SLC4A7: variants seen among roughly 807,000 people sequenced by gnomAD.
The protein encoded by SLC4A7 is solute carrier family 4 member 7.
Under a neutral mutation model 137.6 loss-of-function variants are expected in SLC4A7, and 51 were observed. The ratio of observed to expected loss-of-function variants is 0.37; its 90% CI spans 0.30 to 0.47. The LOEUF (loss-of-function observed/expected upper bound fraction) is 0.47. Ranked by LOEUF, SLC4A7 falls within the 20% of genes least tolerant of loss-of-function variation. The pLI, the probability that SLC4A7 is intolerant of heterozygous loss-of-function variation, is 1.00. For missense variants in SLC4A7, 1,247 were observed against 1,525.4 expected (o/e 0.82, Z 3.04); for synonymous variants, 542 against 518.6 (o/e 1.05, Z -0.61).
intron 3 of SLC4A7, among the ~76,000 whole-genome samples, chr3:27,445,669 G>A (rs1306864522): frequency 4.7e-5 from 7 of 149,884 alleles, no homozygotes; most frequent in Admixed American, 2.7e-4. Context: ...TGTAATCCCA[G>A]TACTTTGGGA....
In SLC4A7 at chr3:27,420,740, T is replaced by C. The variant is rs536485637; in HGVS notation, c.1472A>G (p.His491Arg). 12 of 1,613,762 alleles carry C rather than the reference T, an allele frequency of 7.4e-6. No homozygotes were observed. Among genetic ancestry groups the C allele is most frequent in the South Asian group, 1.1e-5 (1 of 91,060 alleles). The change falls in exon 10 of 26, where the codon CAT becomes CGT. Residue 491 changes from histidine to arginine, a missense_variant. Transcript: ENST00000454389. ...AGTGGCTATTGATCGTCCAATTTCA[T>C]GGTACTGTGGTGCCTTGCCCGCTGG... ...LGPAGKAPQY[H>R]EIGRSIATLM...
At chr3:27,400,659 T>A in intron 16 of SLC4A7, 105 bp downstream of exon 16, 1 of 657,308 alleles carries the variant, frequency 1.5e-6, no homozygotes, top group Non-Finnish European at 2.6e-6. Flanking sequence ...TCTGAAAACA[T>A]ACTACCGATC....
chr3:27,420,892 T>C, intron 9 of SLC4A7, 105 bp from the exon 10 acceptor site: 1 of 714,054 alleles, frequency 1.4e-6, no homozygotes, highest in South Asian at 1.9e-5. Context: ...GAAACAACAC[T>C]CAGACATCTT....
At chr3:27,474,055 C>T (rs1052451078) in intron 1 of SLC4A7, among the ~76,000 whole-genome samples, 9 of 152,116 alleles carry the variant, frequency 5.9e-5, no homozygotes, top group Admixed American at 4.6e-4. Context: ...TACGCCTATT[C>T]GACTGAACAC....
At chr3:27,462,675 GA>G in intron 1 of SLC4A7, 1 of 181,780 alleles carries the variant, frequency 5.5e-6, no homozygotes, top group Non-Finnish European at 1.2e-5. Flanking sequence ...AACTCACGGT[GA>G]AGGTCCTAAA....
At chr3:27,454,132 A>G (rs967188087) in intron 1 of SLC4A7, among the ~76,000 whole-genome samples, 3 of 152,146 alleles carry the variant, frequency 2.0e-5, no homozygotes, top group African/African-American at 7.2e-5. Context: ...CAACATAGCA[A>G]GACCCCCATC....
At chr3:27,422,746 C>T (rs1024429768) in intron 8 of SLC4A7, 1 of 455,304 alleles carries the variant, frequency 2.2e-6, no homozygotes, top group African/African-American at 2.0e-5. Context: ...CAACCACTTA[C>T]AGGGCTATCT....
chr3:27,481,873 C>T (rs2150766842), intron 1 of SLC4A7, among the ~76,000 whole-genome samples: 1 of 152,284 alleles, frequency 6.6e-6, no homozygotes, highest in South Asian at 2.1e-4. Context: ...CCATGGCTTA[C>T]ACCTGTAATC....
chr3:27,455,780 C>T (rs758108628), intron 1 of SLC4A7, among the ~76,000 whole-genome samples: 1 of 151,776 alleles, frequency 6.6e-6, no homozygotes, highest in African/African-American at 2.4e-5. Context: ...TGGGTTGAAC[C>T]CAGGAAGTGG....
chr3:27,404,110 G>A (rs1000955709), intron 14 of SLC4A7, among the ~76,000 whole-genome samples: 8 of 152,222 alleles, frequency 5.3e-5, no homozygotes, highest in Admixed American at 3.9e-4. Context: ...AGTGGCTCAC[G>A]CCTGTAATCC....
chr3:27,479,470 GA>G (rs1393512461), intron 1 of SLC4A7, among the ~76,000 whole-genome samples: 3 of 151,850 alleles, frequency 2.0e-5, no homozygotes, highest in Non-Finnish European at 4.4e-5. Context: ...ACAGTCATTT[GA>G]AAATGTCTAG....
intron 11 of SLC4A7, among the ~76,000 whole-genome samples, chr3:27,412,497 A>C (rs1258489250): frequency 1.3e-5 from 2 of 152,158 alleles, no homozygotes; most frequent in African/African-American, 4.8e-5. Flanking sequence ...GGTGAATAAA[A>C]GACTTAAGCT....
At chr3:27,434,971 C>T (rs1341941553) in intron 5 of SLC4A7, among the ~76,000 whole-genome samples, 5 of 152,076 alleles carry the variant, frequency 3.3e-5, no homozygotes, top group African/African-American at 1.2e-4. Flanking sequence ...TAATTGCAAA[C>T]CAAAGTCTGA....
intron 22 of SLC4A7, 77 bp from the exon 23 acceptor site, chr3:27,386,100 T>A: frequency 8.6e-7 from 1 of 1,168,186 alleles, no homozygotes; most frequent in Non-Finnish European, 1.2e-6. Flanking sequence ...AGCATATTTA[T>A]TAAATCTTAT....
At chr3:27,409,744 AT>A (rs1349993942) in intron 12 of SLC4A7, among the ~76,000 whole-genome samples, 15 of 152,220 alleles carry the variant, frequency 9.9e-5, no homozygotes, top group Non-Finnish European at 4.4e-5. Flanking sequence ...AAATATCTGT[AT>A]TTTACGGACT....
intron 1 of SLC4A7, among the ~76,000 whole-genome samples, chr3:27,460,002 C>G (rs866536364): frequency 6.7e-6 from 1 of 149,414 alleles, no homozygotes; most frequent in African/African-American, 2.4e-5. Flanking sequence ...CACACACACA[C>G]ACACACACGT....
At chr3:27,444,405 T>G (rs1172182418) in intron 3 of SLC4A7, among the ~76,000 whole-genome samples, 3 of 152,238 alleles carry the variant, frequency 2.0e-5, no homozygotes, top group Non-Finnish European at 2.9e-5. Flanking sequence ...AAGTATCTTT[T>G]CTGATATCCT....
In SLC4A7 at chr3:27,403,428, T is replaced by C. The variant is rs372250664; in HGVS notation, c.2076-44A>G. The C allele has an allele frequency of 2.5e-5, 35 of 1,418,268 alleles. No individual in the cohort carries two copies. The Admixed American group carries it at 3.1e-4, about 12-fold the overall frequency. The allele number at this position is 1,418,268 out of a possible 1,614,324, so 87.9% of individuals were successfully genotyped here. A position where few individuals can be genotyped will look rare whatever the true frequency, so the allele number is the denominator to read the frequency against. ...ATGAATATGATAAACATATGTGGAA[T>C]AGTATTTGTACCTAAAATTTTTCAT... On this transcript the variant is annotated intron_variant, in intron 14 of 25. Transcript: ENST00000454389.
chr3:27,420,601 A>C, intron 10 of SLC4A7, 99 bp downstream of exon 10: 1 of 704,566 alleles, frequency 1.4e-6, no homozygotes, highest in Non-Finnish European at 2.2e-6. Flanking sequence ...GAAAAGTTTT[A>C]GAGCTTCACT....
Sources: allele counts gnomAD v4.1 joint callset (sites outside exome capture counted in the v4.1 genomes callset), GRCh38; gene constraint gnomAD v4.1.1; transcripts MANE v1.5; gene names NCBI Gene and HGNC (gene_info 2026-07-23, HGNC 2026-07-21).